The following SERPINF1 variants were observed in gnomAD, a reference collection of about 807,000 sequenced individuals.
The protein encoded by SERPINF1 is pigment epithelium-derived factor.
Under a neutral mutation model 37.3 loss-of-function variants are expected in SERPINF1, and 29 were observed. The observed-to-expected ratio is 0.78, with a 90% CI of 0.58 to 1.06. The LOEUF (loss-of-function observed/expected upper bound fraction) is 1.06, where lower values mean the gene tolerates loss of function less well. SERPINF1 is among the 50% of genes least tolerant of loss of function. The pLI is 0.00. For synonymous variants in SERPINF1, 281 were observed against 227.9 expected (o/e 1.23, Z -2.10); for missense variants, 553 against 532.2 (o/e 1.04, Z -0.38).
At chr17:1,776,479 C>T (rs1316175072) in intron 6 of SERPINF1, 53 bp from the exon 7 acceptor site, 13 of 1,558,080 alleles carry the variant, frequency 8.3e-6, no homozygotes, top group Middle Eastern at 1.7e-4. Flanking sequence ...CTGTGTCTGT[C>T]CCCGGCTTTT....
intron 3 of SERPINF1, chr17:1,770,752 G>A (rs1423106203): frequency 3.9e-5 from 16 of 412,756 alleles, no homozygotes; most frequent in South Asian, 2.1e-4. Context: ...GAGCCACCGC[G>A]CCTGGCCAGA....
At chr17:1,771,484 C>T (rs370386073) in intron 4 of SERPINF1, among the ~76,000 whole-genome samples, 4 of 152,032 alleles carry the variant, frequency 2.6e-5, no homozygotes, top group South Asian at 2.1e-4. Flanking sequence ...GTGTTCTGCC[C>T]GCCTCGACCT....
intron 1 of SERPINF1, 145 bp from the exon 2 acceptor site, chr17:1,766,758 G>A (rs1279314894): frequency 4.3e-6 from 3 of 699,712 alleles, no homozygotes; most frequent in Middle Eastern, 3.9e-4. Context: ...GGGCCTGGAG[G>A]GGTGAGGGGT....
intron 2 of SERPINF1, among the ~76,000 whole-genome samples, chr17:1,769,140 T>C (rs1280535101): frequency 6.6e-6 from 1 of 150,976 alleles, no homozygotes; most frequent in African/African-American, 2.4e-5. Context: ...CTGGGCGCGG[T>C]GGCTCATGCC....
At chr17:1,764,922 C>A (rs1035127104) in intron 1 of SERPINF1, among the ~76,000 whole-genome samples, 2 of 148,246 alleles carry the variant, frequency 1.3e-5, no homozygotes, top group African/African-American at 5.0e-5. Flanking sequence ...CAGCTCACTG[C>A]AACCTCCACT....
At chr17:1,769,264 C>T (rs1217436425) in intron 2 of SERPINF1, among the ~76,000 whole-genome samples, 2 of 151,896 alleles carry the variant, frequency 1.3e-5, no homozygotes, top group African/African-American at 2.4e-5. Context: ...AAAAAATTAC[C>T]CAGGCATGGT....
intron 5 of SERPINF1, among the ~76,000 whole-genome samples, chr17:1,774,654 G>A (rs529878899): frequency 6.6e-6 from 1 of 152,106 alleles, no homozygotes; most frequent in East Asian, 1.9e-4. Flanking sequence ...TTAGGACAGC[G>A]TTTTTTCATG....
intron 2 of SERPINF1, among the ~76,000 whole-genome samples, chr17:1,767,638 T>C (rs761506048): frequency 3.3e-4 from 50 of 151,650 alleles, no homozygotes; most frequent in Non-Finnish European, 6.0e-4. Context: ...GCCATATGAG[T>C]GTTATGGGGT....
rs781013736 is a variant in SERPINF1 at position 1,766,952 on chromosome 17, C to T, written c.42C>T (p.Leu14=). Residue 14 remains leucine, a synonymous_variant, in exon 2 of 8, where the codon CTC becomes CTT. Transcript: ENST00000254722. ...LVLLLCIGAL[L]GHSSCQNPAS... is the part of the protein sequence containing the mutation. ...TACTCCTCTGCATTGGAGCCCTCCT[C>T]GGGCACAGCAGCTGCCAGAACCCTG... 40 of 1,564,256 alleles carry T rather than the reference C, an allele frequency of 2.6e-5. No individual in the cohort carries two copies. Among genetic ancestry groups the T allele is most frequent in the Admixed American group, 2.5e-4 (13 of 52,600 alleles).
intron 2 of SERPINF1, among the ~76,000 whole-genome samples, chr17:1,768,430 C>CAAAAAAAAAA (rs71150813): frequency 7.6e-5 from 7 of 91,780 alleles, no homozygotes; most frequent in African/African-American, 2.2e-4. Context: ...GACTCCGTCT[C>CAAAAAAAAAA]AAAAAAAAAA....
In SERPINF1 at chr17:1,771,905, TG is replaced by T; in HGVS notation, c.475del (p.Glu159LysfsTer11). ...LRIKSSFVAP[L>X]EKSYGTRPRV... ...ATAAAATCCAGCTTTGTGGCACCTC[TG>T]GAAAAGTCATATGGGACCAGGCCCA... On this transcript the variant is annotated frameshift_variant, in exon 5 of 8. Transcript: ENST00000254722. LOFTEE classifies it high-confidence loss of function. 6.2e-7 allele frequency: 1 copy of T among 1,613,748 alleles called. No homozygotes were observed. The highest frequency in any genetic ancestry group is 1.1e-5 in the South Asian group (1 of 91,076).
At chr17:1,766,692 G>A in intron 1 of SERPINF1, 1 of 573,656 alleles carries the variant, frequency 1.7e-6, no homozygotes, top group East Asian at 2.9e-5. Flanking sequence ...GCAGGGGGAG[G>A]GGCGGGAGAA....
At chr17:1,775,284 T>C (rs1046783619) in intron 6 of SERPINF1, 84 bp downstream of exon 6, 7 of 1,415,672 alleles carry the variant, frequency 4.9e-6, no homozygotes, top group Non-Finnish European at 6.8e-6. Context: ...TAAAATGACC[T>C]TTGAGATCCG....
In SERPINF1 at chr17:1,765,480, C is replaced by G. The variant is rs1597346140; in HGVS notation, c.-8-1423C>G. The stretch of plus-strand genomic sequence containing the variant: ...GGGATTACAGGGGCCTGCCACCACG[C>G]CTGGCTACTTTTTGTATTTTTAGTA... On this transcript the variant is annotated intron_variant, in intron 1 of 7. Transcript: ENST00000254722. 2.0e-5 allele frequency among the ~76,000 whole-genome samples: 3 copies of G among 151,816 alleles called. No homozygotes were observed. The South Asian group carries it at 6.3e-4, about 32-fold the overall frequency.
At chr17:1,775,770 G>C (rs1020930869) in intron 6 of SERPINF1, among the ~76,000 whole-genome samples, 12 of 152,186 alleles carry the variant, frequency 7.9e-5, no homozygotes, top group African/African-American at 2.7e-4. Context: ...CCAAACTCAG[G>C]TGATCCGCCT....
intron 7 of SERPINF1, 124 bp from the exon 8 acceptor site, chr17:1,777,063 A>G: frequency 6.8e-7 from 1 of 1,481,184 alleles, no homozygotes; most frequent in Non-Finnish European, 9.4e-7. Context: ...GTCAGCTCAG[A>G]CCTCTTCAGG....
chr17:1,766,349 A>C (rs1228310931), intron 1 of SERPINF1: 1 of 152,226 alleles, frequency 6.6e-6, no homozygotes, highest in Non-Finnish European at 1.5e-5. Context: ...TGAGGTCAGG[A>C]GTTTGAGACA....
intron 7 of SERPINF1, 24 bp from the exon 8 acceptor site, chr17:1,777,163 G>T: frequency 6.2e-7 from 1 of 1,614,006 alleles, no homozygotes; most frequent in Non-Finnish European, 8.5e-7. Flanking sequence ...GGGTTTTAAC[G>T]GAAATCTCTC....
Position 1,771,118 on chromosome 17 carries a change from C to T in SERPINF1, c.373C>T (p.Leu125Phe). Residue 125 changes from leucine to phenylalanine, a missense_variant, in exon 4 of 8, where the codon CTC becomes TTC. Physicochemically the swap from Leu to Phe is conservative, Grantham distance 22. Coordinates refer to ENST00000254722, the MANE Select transcript of SERPINF1 (RefSeq NM_002615.7). The stretch of plus-strand genomic sequence containing the variant: ...AGACATCCATGGTACCTATAAGGAG[C>T]TCCTTGACACGGTCACTGCCCCCCA... ...SPDIHGTYKELLDTVTAPQKN... is the reference protein window; with the variant it reads ...SPDIHGTYKEFLDTVTAPQKN... The T allele has an allele frequency of 6.2e-7, 1 of 1,614,112 alleles. No homozygotes were observed. The highest frequency in any genetic ancestry group is 1.1e-5 in the South Asian group (1 of 91,078).
Sources: allele counts gnomAD v4.1 joint callset (sites outside exome capture counted in the v4.1 genomes callset), GRCh38; gene constraint gnomAD v4.1.1; transcripts MANE v1.5; gene names NCBI Gene and HGNC (gene_info 2026-07-23, HGNC 2026-07-21).